Variants in PTPRN2 observed in about 807,000 individuals in gnomAD.
PTPRN2 encodes the protein protein tyrosine phosphatase receptor type N2, also known as receptor-type tyrosine-protein phosphatase N2.
Under a neutral mutation model 118.8 loss-of-function variants are expected in PTPRN2, and 74 were observed. The ratio of observed to expected loss-of-function variants is 0.62; its 90% CI spans 0.52 to 0.76. The LOEUF is 0.76. Among genes scored for constraint, PTPRN2 ranks in the 30% least tolerant of loss-of-function variants. PTPRN2 has a pLI of 0.00. For missense variants in PTPRN2, 1,481 were observed against 1,394.4 expected (o/e 1.06, Z -0.99); for synonymous variants, 641 against 608.0 (o/e 1.05, Z -0.80).
chr7:157,613,376 G>C (rs1255237080), intron 15 of PTPRN2, among the ~76,000 whole-genome samples: 1 of 152,248 alleles, frequency 6.6e-6, no homozygotes, highest in African/African-American at 2.4e-5. Flanking sequence ...GACGGCTGCG[G>C]GGAGACACGG....
chr7:157,748,240 A>AGCTCT (rs1801144357), intron 12 of PTPRN2, among the ~76,000 whole-genome samples: 1 of 147,248 alleles, frequency 6.8e-6, no homozygotes, highest in South Asian at 2.2e-4. Context: ...TGCGTCCCTG[A>AGCTCT]GGTAGGAGCT....
intron 6 of PTPRN2, among the ~76,000 whole-genome samples, chr7:158,164,255 G>A (rs530205475): frequency 6.6e-5 from 10 of 151,568 alleles, no homozygotes; most frequent in East Asian, 1.9e-4. Context: ...GAGCGCACGC[G>A]TAGGAAGAGC....
intron 1 of PTPRN2, among the ~76,000 whole-genome samples, chr7:158,520,306 T>C (rs1410529326): frequency 2.6e-5 from 4 of 152,140 alleles, no homozygotes; most frequent in African/African-American, 4.8e-5. Context: ...GAAAGGAGAG[T>C]AAAATTCCAC....
In PTPRN2 at chr7:157,964,032, G is replaced by A. The variant is rs1297492091; in HGVS notation, c.1724-65295C>T. ...TATTTGCCCTGTTCAAGTTCAAGCA[G>A]TATTTTTTTTAATAAAGATTATTCC... On this transcript the variant is annotated intron_variant, in intron 11 of 22. Transcript: ENST00000389418. The surrounding 1 kb of genome is among the most constrained non-coding windows in gnomAD (Gnocchi z 9.0). Among the ~76,000 whole-genome samples, 1 of 152,086 alleles carries A rather than the reference G, an allele frequency of 6.6e-6. No individual in the cohort carries two copies. The highest frequency in any genetic ancestry group is 1.9e-4 in the East Asian group (1 of 5,194).
chr7:157,752,598 A>T (rs1011902382), intron 12 of PTPRN2, among the ~76,000 whole-genome samples: 3 of 152,288 alleles, frequency 2.0e-5, no homozygotes, highest in Non-Finnish European at 4.4e-5. Flanking sequence ...CGTCTTATCA[A>T]ATCTGATCCT....
chr7:158,509,279 T>C lies in PTPRN2; in HGVS notation c.113-19494A>G, dbSNP rs374217977. Among the ~76,000 whole-genome samples the C allele has an allele frequency of 6.7e-4, 102 of 152,242 alleles. 1 individual carries two copies. The South Asian group carries it at 0.021, about 31-fold the overall frequency. ...TCCACTTCCTTTCCTTGCCGGCCCG[T>C]CAGTCACAGCATCGGAAGAATGAAT... On this transcript the variant is annotated intron_variant, in intron 1 of 22. Transcript: ENST00000389418. This position sits in a 1 kb window ranked among gnomAD's most constrained non-coding sequence, Gnocchi z 4.4.
At chr7:157,691,075 C>G (rs186603082) in intron 12 of PTPRN2, among the ~76,000 whole-genome samples, 16 of 117,940 alleles carry the variant, frequency 1.4e-4, no homozygotes, top group African/African-American at 3.0e-4. Flanking sequence ...TGTCCCCCCC[C>G]CCCCCCACAT....
At chr7:157,708,598 T>C (rs1170194509) in intron 12 of PTPRN2, among the ~76,000 whole-genome samples, 4 of 152,110 alleles carry the variant, frequency 2.6e-5, no homozygotes, top group African/African-American at 9.7e-5. Flanking sequence ...CTGTCTGAGA[T>C]GACCAGAACC....
chr7:157,718,900 G>A (rs150818921), intron 12 of PTPRN2, among the ~76,000 whole-genome samples: 4 of 152,092 alleles, frequency 2.6e-5, no homozygotes, highest in African/African-American at 4.8e-5. Flanking sequence ...TGGCCTCTCC[G>A]CCTCCTGCAG....
chr7:158,367,782 C>G (rs758648563), intron 2 of PTPRN2, among the ~76,000 whole-genome samples: 17 of 152,220 alleles, frequency 1.1e-4, no homozygotes, highest in Non-Finnish European at 1.9e-4. Context: ...CAGAGCCCAT[C>G]AGATGCTCAG....
intron 2 of PTPRN2, among the ~76,000 whole-genome samples, chr7:158,351,860 C>T (rs1441191402): frequency 6.6e-6 from 1 of 151,512 alleles, no homozygotes; most frequent in Non-Finnish European, 1.5e-5. Context: ...TGACCACCCA[C>T]TCCCAGCCCA....
intron 11 of PTPRN2, among the ~76,000 whole-genome samples, chr7:158,064,582 TAC>T (rs913186049): frequency 3.0e-4 from 45 of 152,320 alleles, no homozygotes; most frequent in African/African-American, 9.9e-4. Flanking sequence ...GAGAGCCATC[TAC>T]ACACTGTGTC....
intron 2 of PTPRN2, among the ~76,000 whole-genome samples, chr7:158,481,489 G>A (rs1820635001): frequency 6.6e-6 from 1 of 152,214 alleles, no homozygotes; most frequent in South Asian, 2.1e-4. Context: ...TTTTGAGGTA[G>A]AGTCTTGCTC....
intron 2 of PTPRN2, among the ~76,000 whole-genome samples, chr7:158,355,185 C>T (rs568288936): frequency 6.6e-6 from 1 of 152,302 alleles, no homozygotes; most frequent in African/African-American, 2.4e-5. Context: ...TCTCTTCATT[C>T]AGAAAGAACA....
At chr7:158,207,949 T>A (rs1240478871) in intron 3 of PTPRN2, among the ~76,000 whole-genome samples, 1 of 152,162 alleles carries the variant, frequency 6.6e-6, no homozygotes, top group Non-Finnish European at 1.5e-5. Context: ...GAAATTAGAA[T>A]AATTAAAAAC....
intron 2 of PTPRN2, among the ~76,000 whole-genome samples, chr7:158,456,581 C>A (rs541338351): frequency 6.6e-6 from 1 of 152,176 alleles, no homozygotes; most frequent in African/African-American, 2.4e-5. Context: ...CCACGGCCCC[C>A]CATTGCTCCG....
intron 12 of PTPRN2, among the ~76,000 whole-genome samples, chr7:157,722,797 G>A (rs1454119662): frequency 6.6e-6 from 1 of 152,144 alleles, no homozygotes. Flanking sequence ...AGAGGCAAGG[G>A]AGAAGGCAGG....
At chr7:158,534,957 G>A (rs1394689314) in intron 1 of PTPRN2, among the ~76,000 whole-genome samples, 1 of 152,176 alleles carries the variant, frequency 6.6e-6, no homozygotes, top group Non-Finnish European at 1.5e-5. Flanking sequence ...AGGCGTTTCA[G>A]TGTTCCCCAG....
At chr7:158,386,138 A>G (rs111161569) in intron 2 of PTPRN2, among the ~76,000 whole-genome samples, 5,985 of 30,166 alleles carry the variant, frequency 0.2, 21 homozygotes, top group Admixed American at 0.33. Flanking sequence ...CCCATGCCCC[A>G]AGTCCCTCCT....
Sources: allele counts gnomAD v4.1 joint callset (sites outside exome capture counted in the v4.1 genomes callset), GRCh38; gene constraint gnomAD v4.1.1; non-coding constraint Gnocchi (gnomAD v3.1); transcripts MANE v1.5; gene names NCBI Gene and HGNC (gene_info 2026-07-23, HGNC 2026-07-21).